HENMT1: variants seen among roughly 807,000 people sequenced by gnomAD.
HENMT1 encodes HEN methyltransferase 1, also known as small RNA 2'-O-methyltransferase.
Under a neutral mutation model 31.1 loss-of-function variants are expected in HENMT1, and 27 were observed. The ratio of observed to expected loss-of-function variants is 0.87; its 90% CI spans 0.64 to 1.20. HENMT1 has a LOEUF of 1.20. Among genes scored for constraint, HENMT1 ranks in the 50% most tolerant of loss-of-function variants. HENMT1 has a pLI of 0.00. For synonymous variants in HENMT1, 167 were observed against 172.2 expected, an observed-to-expected ratio of 0.97 and a Z score of 0.24; for missense variants, 438 against 469.6, an observed-to-expected ratio of 0.93 and a Z score of 0.62.
At chr1:108,657,395 C>CAT in intron 3 of HENMT1, 56 bp downstream of exon 3, 1 of 1,280,426 alleles carries the variant, frequency 7.8e-7, no homozygotes, top group East Asian at 2.3e-5. Context: ...CAAAACACCT[C>CAT]ATATGACTAG....
At chr1:108,660,691 G>C (rs12733184) in intron 1 of HENMT1, among the ~76,000 whole-genome samples, 26,302 of 151,986 alleles carry the variant, frequency 0.17, 2,995 homozygotes, top group Non-Finnish European at 0.26. Flanking sequence ...TTGGGAGGCC[G>C]AGGCGGGCGG....
chr1:108,648,987 A>C lies in HENMT1; in HGVS notation c.761T>G (p.Phe254Cys). ...QHDQHVYKAV[F>C]TTSYPSLQQE... is the part of the protein sequence containing the mutation. ...CTGTAAGCTTGGGTATGAGGTGGTA[A>C]AAACCTGAAGGGAAAAAACAAAACA... Residue 254 changes from phenylalanine (F) to cysteine (C), a missense_variant, in exon 8 of 8, where the codon TTT (phenylalanine) becomes TGT (cysteine). Phe to Cys is a radical substitution (Grantham distance 205). Coordinates refer to ENST00000651461, the MANE Select transcript of HENMT1 (RefSeq NM_001102592.2). The C allele has an allele frequency of 6.3e-7, 1 of 1,579,454 alleles. No individual in the cohort carries two copies. The highest frequency in any genetic ancestry group is 8.6e-7 in the Non-Finnish European group (1 of 1,163,170).
At position 108,661,021 on chromosome 1, in the gene HENMT1, G is replaced by C. The variant is rs1437039688; in HGVS notation, c.-137C>G. On this transcript the variant is annotated 5_prime_UTR_variant, in exon 1 of 8. Transcript: ENST00000651461. ...CGCTTCCATCATCCTGCGGTAAGCA[G>C]CATGCCCAACCGAAAAAACAAAGCT... The C allele has an allele frequency of 6.1e-6, 6 of 984,984 alleles. No individual in the cohort carries two copies. The South Asian group carries it at 2.8e-4, about 46-fold the overall frequency. 61.0% of individuals were successfully genotyped at this position (984,984 alleles called of 1,614,324 possible). A position where few individuals can be genotyped will look rare whatever the true frequency, so the allele number is the denominator to read the frequency against.
At chr1:108,651,784 A>C (rs1658065486) in intron 5 of HENMT1, among the ~76,000 whole-genome samples, 1 of 151,966 alleles carries the variant, frequency 6.6e-6, no homozygotes, top group Non-Finnish European at 1.5e-5. Flanking sequence ...AAGAACAATT[A>C]TTCATATATT....
chr1:108,660,081 G>T, intron 1 of HENMT1, 119 bp from the exon 2 acceptor site: 23 of 216,300 alleles, frequency 1.1e-4, no homozygotes, highest in Middle Eastern at 1.6e-3. Flanking sequence ...AATTTAAATA[G>T]AACGCTTAAA....
At chr1:108,656,020 C>A (rs765452749) in intron 3 of HENMT1, among the ~76,000 whole-genome samples, 1 of 152,120 alleles carries the variant, frequency 6.6e-6, no homozygotes, top group Non-Finnish European at 1.5e-5. Context: ...TACGTACACA[C>A]AGTTTTCCCA....
At chr1:108,658,591 T>C (rs1219993855) in intron 2 of HENMT1, among the ~76,000 whole-genome samples, 1 of 152,202 alleles carries the variant, frequency 6.6e-6, no homozygotes, top group African/African-American at 2.4e-5. Context: ...CTGACCAAAC[T>C]TCAGTCAGGT....
rs934068521 is a variant in HENMT1, at chr1:108,657,349, C to T, written c.150+102G>A. On this transcript the variant is annotated intron_variant, in intron 3 of 7. Transcript: ENST00000651461. ...TACGGCATTCTCCCTATTGCAATAACCCCTGTGAAAAGTCTCTCCATACTA... is the reference window on the plus strand; with the variant it reads ...TACGGCATTCTCCCTATTGCAATAATCCCTGTGAAAAGTCTCTCCATACTA... 3.8e-6 allele frequency: 3 copies of T among 788,288 alleles called. No homozygotes were observed. In the East Asian group the frequency reaches 7.7e-5, roughly 20 times the overall value. The allele number at this position is 788,288 out of a possible 1,614,324, so 48.8% of individuals were successfully genotyped here. A position where few individuals can be genotyped will look rare whatever the true frequency, so the allele number is the denominator to read the frequency against.
chr1:108,661,423 G>T (rs1658481650), upstream of HENMT1: 1 of 152,288 alleles, frequency 6.6e-6, no homozygotes, highest in Non-Finnish European at 1.5e-5. Flanking sequence ...AGCTGTTGGC[G>T]AAGGCCCCCA....
At chr1:108,650,946 G>A (rs1054607501) in intron 6 of HENMT1, 84 bp downstream of exon 6, 1 of 891,076 alleles carries the variant, frequency 1.1e-6, no homozygotes, top group South Asian at 1.7e-5. Context: ...AACAATTTAG[G>A]TAATGTATGT....
rs773573636 is a variant in HENMT1 at position 108,650,297 on chromosome 1, T to G, written c.670A>C (p.Thr224Pro). Residue 224 changes from threonine to proline, a missense_variant, in exon 7 of 8, where the codon ACC becomes CCC. By Grantham distance (38) the Thr-to-Pro change is conservative. Coordinates refer to ENST00000651461, the MANE Select transcript of HENMT1 (RefSeq NM_001102592.2). ...PAGAENVGYCTQIGIFRKNGG... is the reference protein window; with the variant it reads ...PAGAENVGYCPQIGIFRKNGG... ...TTTTTCCGGAAGATTCCTATCTGGG[T>G]ACAGTATCCAACATTCTCAGCTCCA... The G allele has an allele frequency of 6.2e-7, 1 of 1,614,102 alleles. No homozygotes were observed. The highest frequency in any genetic ancestry group is 8.5e-7 in the Non-Finnish European group (1 of 1,179,962).
At chr1:108,649,093 C>CAT in intron 7 of HENMT1, 102 bp from the exon 8 acceptor site, 2 of 868,472 alleles carry the variant, frequency 2.3e-6, no homozygotes, top group Non-Finnish European at 3.5e-6. Context: ...AATAAATGTA[C>CAT]ATATTGAATA....
chr1:108,657,991 A>G (rs200890068), intron 2 of HENMT1, among the ~76,000 whole-genome samples: 1 of 139,984 alleles, frequency 7.1e-6, no homozygotes, highest in Non-Finnish European at 1.6e-5. Flanking sequence ...ACACATATAT[A>G]TACACACACA....
At chr1:108,650,937 A>G in intron 6 of HENMT1, 93 bp downstream of exon 6, 2 of 856,544 alleles carry the variant, frequency 2.3e-6, no homozygotes, top group Admixed American at 5.0e-5. Flanking sequence ...AAAGTACAAA[A>G]CAATTTAGGT....
At position 108,654,759 on chromosome 1, in the gene HENMT1, C is replaced by T; in HGVS notation, c.355G>A (p.Asp119Asn). 6.2e-7 allele frequency: 1 copy of T among 1,614,088 alleles called. No homozygotes were observed. The highest frequency in any genetic ancestry group is 8.5e-7 in the Non-Finnish European group (1 of 1,179,952). Residue 119 changes from aspartate to asparagine, a missense_variant, in exon 5 of 8, where the codon GAC (aspartate) becomes AAC (asparagine). Physicochemically the swap from Asp to Asn is conservative, Grantham distance 23. Coordinates refer to ENST00000651461, the MANE Select transcript of HENMT1 (RefSeq NM_001102592.2). ...TLYHGSVVER[D>N]SRLLGFDLIT... is the part of the protein sequence containing the mutation. ...AAGTCAAATCCAAGCAAACGAGAGTCTCTCTCCACAACGGAGCCATGATAC... is the reference window on the plus strand; with the variant it reads ...AAGTCAAATCCAAGCAAACGAGAGTTTCTCTCCACAACGGAGCCATGATAC...
chr1:108,652,015 C>G (rs779416878), intron 5 of HENMT1, among the ~76,000 whole-genome samples: 1 of 152,134 alleles, frequency 6.6e-6, no homozygotes, highest in African/African-American at 2.4e-5. Flanking sequence ...TCAGATACAG[C>G]GACATTCTAG....
At chr1:108,656,552 G>C (rs1460434138) in intron 3 of HENMT1, among the ~76,000 whole-genome samples, 2 of 152,180 alleles carry the variant, frequency 1.3e-5, no homozygotes, top group East Asian at 3.9e-4. Context: ...GGTGATAACA[G>C]CTCACTGCAG....
At chr1:108,650,146 C>A in intron 7 of HENMT1, 65 bp downstream of exon 7, 1 of 1,446,108 alleles carries the variant, frequency 6.9e-7, no homozygotes, top group Non-Finnish European at 9.7e-7. Context: ...ATTCTTACTC[C>A]CCAAAAAAGT....
In HENMT1 at chr1:108,654,796, C is replaced by G. The variant is rs1557740296; in HGVS notation, c.318G>C (p.Leu106Phe). Residue 106 changes from leucine to phenylalanine, a missense_variant, in exon 5 of 8, where the codon TTG (leucine) becomes TTC (phenylalanine). By Grantham distance (22) the Leu-to-Phe change is conservative. Coordinates refer to ENST00000651461, the MANE Select transcript of HENMT1 (RefSeq NM_001102592.2). ...GDFLKPRDLN[L>F]TITLYHGSVV... is the part of the protein sequence containing the mutation. Reference sequence around the variant, plus strand: ...CGGAGCCATGATACAATGTGATGGTCAAATTCAGATCCCGAGGTTTCAGAA... The same window carrying G: ...CGGAGCCATGATACAATGTGATGGTGAAATTCAGATCCCGAGGTTTCAGAA... The G allele has an allele frequency of 6.2e-7, 1 of 1,614,054 alleles. No homozygotes were observed. The highest frequency in any genetic ancestry group is 2.2e-5 in the East Asian group (1 of 44,872).
Sources: allele counts gnomAD v4.1 joint callset (sites outside exome capture counted in the v4.1 genomes callset), GRCh38; gene constraint gnomAD v4.1.1; transcripts MANE v1.5; gene names NCBI Gene and HGNC (gene_info 2026-07-23, HGNC 2026-07-21).